SLC47A1: variants seen among roughly 807,000 people sequenced by gnomAD.
The protein encoded by SLC47A1 is solute carrier family 47 member 1.
SLC47A1 carries 58 observed loss-of-function variants against 65.8 expected under a neutral mutation model. The ratio of observed to expected loss-of-function variants is 0.88; its 90% CI spans 0.71 to 1.10. SLC47A1 has a LOEUF of 1.10. SLC47A1 is among the 50% of genes least tolerant of loss of function. The pLI is 0.00. For missense variants in SLC47A1, 706 were observed against 719.2 expected (o/e 0.98, Z 0.21); for synonymous variants, 285 against 295.0 (o/e 0.97, Z 0.35).
chr17:19,567,261 T>A (rs2084366361), intron 14 of SLC47A1, 33 bp downstream of exon 14: 2 of 1,613,266 alleles, frequency 1.2e-6, no homozygotes, highest in East Asian at 2.2e-5. Flanking sequence ...AGGGCTTAGC[T>A]GCTCACCAGC....
intron 10 of SLC47A1, chr17:19,557,835 T>C: frequency 3.1e-6 from 1 of 324,882 alleles, no homozygotes; most frequent in Non-Finnish European, 6.4e-6. Context: ...ACTGTAACTT[T>C]TGTTCTAGTA....
intron 2 of SLC47A1, among the ~76,000 whole-genome samples, chr17:19,544,266 A>C (rs1193816995): frequency 6.6e-6 from 1 of 152,202 alleles, no homozygotes; most frequent in African/African-American, 2.4e-5. Context: ...TTTTGGCTTT[A>C]GCGGGCAACA....
chr17:19,560,129 G>T, intron 10 of SLC47A1, 59 bp from the exon 11 acceptor site: 2 of 1,283,200 alleles, frequency 1.6e-6, no homozygotes, highest in South Asian at 2.6e-5. Flanking sequence ...CTGCTTCTCT[G>T]CACGTGTTCT....
chr17:19,572,369 C>T (rs936247867), intron 15 of SLC47A1, among the ~76,000 whole-genome samples: 1 of 152,022 alleles, frequency 6.6e-6, no homozygotes, highest in African/African-American at 2.4e-5. Context: ...TCACATCTCG[C>T]TGGAGTCTCA....
At chr17:19,552,776 G>T (rs1045330957) in intron 6 of SLC47A1, among the ~76,000 whole-genome samples, 2 of 152,180 alleles carry the variant, frequency 1.3e-5, no homozygotes, top group Admixed American at 1.3e-4. Context: ...CTGTTCCTAG[G>T]GGCTGGGGCC....
At chr17:19,544,269 G>A (rs1320097323) in intron 2 of SLC47A1, among the ~76,000 whole-genome samples, 2 of 152,180 alleles carry the variant, frequency 1.3e-5, no homozygotes, top group South Asian at 2.1e-4. Context: ...TGGCTTTAGC[G>A]GGCAACATGG....
chr17:19,570,764 G>A (rs2253611), intron 14 of SLC47A1: 23,510 of 152,264 alleles, frequency 0.15, 2,038 homozygotes, highest in East Asian at 0.29. Context: ...TTTTTATTAC[G>A]GTCAGGACTT....
chr17:19,578,846 A>C lies in SLC47A1; in HGVS notation c.*1293A>C, dbSNP rs1450107772. On this transcript the variant is annotated 3_prime_UTR_variant, in exon 17 of 17. Coordinates refer to ENST00000270570, the MANE Select transcript of SLC47A1 (RefSeq NM_018242.3). ...AATTTTGCCTGCCCGGTTGCTCACC[A>C]GTTGTAGCTTGCCAGCTCCCAACAC... 1 of 152,246 alleles carries C rather than the reference A, an allele frequency of 6.6e-6. No individual in the cohort carries two copies. Among genetic ancestry groups the C allele is most frequent in the Non-Finnish European group, 1.5e-5 (1 of 68,058 alleles). The allele number at this position is 152,246 out of a possible 1,614,324, so 9.4% of individuals were successfully genotyped here.
chr17:19,551,781 C>T (rs575253632), intron 6 of SLC47A1, among the ~76,000 whole-genome samples: 94 of 152,338 alleles, frequency 6.2e-4, no homozygotes, highest in African/African-American at 1.9e-3. Flanking sequence ...TTTTAACCAG[C>T]GTCCTGGAAA....
Position 19,559,417 on chromosome 17 carries a change from G to C in SLC47A1, c.922-771G>C, listed in dbSNP as rs117569365. Among the ~76,000 whole-genome samples, 10 of 152,336 alleles carry C rather than the reference G, an allele frequency of 6.6e-5. No homozygotes were observed. In the East Asian group the frequency reaches 1.9e-3, roughly 29 times the overall value. ...CATGCCTGTGATCCCAGCTACTTGA[G>C]AGGCTGAGGTTGCAGGATCGTTTGA... On this transcript the variant is annotated intron_variant, in intron 10 of 16. Transcript: ENST00000270570.
At chr17:19,562,610 G>A (rs2084322006) in intron 12 of SLC47A1, among the ~76,000 whole-genome samples, 1 of 152,028 alleles carries the variant, frequency 6.6e-6, no homozygotes, top group Non-Finnish European at 1.5e-5. Flanking sequence ...GAATGAGTGG[G>A]GAAGGCGATG....
chr17:19,537,805 G>A (rs937853926), intron 1 of SLC47A1, among the ~76,000 whole-genome samples: 5 of 152,168 alleles, frequency 3.3e-5, no homozygotes, highest in East Asian at 1.9e-4. Context: ...CTCATCTCTC[G>A]TCCCTATCTC....
rs779978512 is a variant in SLC47A1 at position 19,577,518 on chromosome 17, G to A, written c.1678G>A (p.Gly560Arg). ...GGGGGTCTTCTTAATCTTGCTGGTG[G>A]GGATTTTAGTGAGATTCTATGTCAG... is the stretch of plus-strand genomic sequence containing the variant. ...LLGVFLILLV[G>R]ILVRFYVRIQ Residue 560 changes from glycine (G) to arginine (R), a missense_variant, in exon 17 of 17, where the codon GGG (glycine) becomes AGG (arginine). Coordinates refer to ENST00000270570, the MANE Select transcript of SLC47A1 (RefSeq NM_018242.3). The A allele has an allele frequency of 1.1e-5, 17 of 1,614,142 alleles. No homozygotes were observed. The highest frequency in any genetic ancestry group is 1.6e-4 in the Middle Eastern group (1 of 6,062).
At chr17:19,563,859 C>T (rs938816303) in intron 12 of SLC47A1, among the ~76,000 whole-genome samples, 7 of 151,872 alleles carry the variant, frequency 4.6e-5, no homozygotes, top group South Asian at 4.2e-4. Flanking sequence ...CGTGGTGGCA[C>T]GCACCTGTAG....
intron 6 of SLC47A1, 123 bp from the exon 7 acceptor site, chr17:19,555,089 G>T: frequency 1.2e-6 from 1 of 816,584 alleles, no homozygotes. Context: ...CCCCAGTTAA[G>T]CCCCCCAGCT....
At chr17:19,572,336 C>T (rs1282350960) in intron 15 of SLC47A1, among the ~76,000 whole-genome samples, 1 of 152,042 alleles carries the variant, frequency 6.6e-6, no homozygotes, top group Non-Finnish European at 1.5e-5. Flanking sequence ...CTCTGTCACC[C>T]AGGCTGGACT....
rs563282697 is a variant in SLC47A1 at position 19,534,205 on chromosome 17, C to G, written c.135+131C>G. 1.0e-4 allele frequency: 122 copies of G among 1,222,328 alleles called. 1 individual carries two copies. The South Asian group carries it at 2.1e-3, about 21-fold the overall frequency. 75.7% of individuals were successfully genotyped at this position (1,222,328 alleles called of 1,614,324 possible). Reference sequence around the variant, plus strand: ...TCCGCCGGCGGGCTCCGGGGAGCATCGTGCCAGGAGCCGGGCGGGCACCCC... The same window carrying G: ...TCCGCCGGCGGGCTCCGGGGAGCATGGTGCCAGGAGCCGGGCGGGCACCCC... On this transcript the variant is annotated intron_variant, in intron 1 of 16. Transcript: ENST00000270570.
At chr17:19,546,606 C>A in intron 3 of SLC47A1, 103 bp downstream of exon 3, 2 of 1,027,914 alleles carry the variant, frequency 1.9e-6, no homozygotes, top group Non-Finnish European at 3.0e-6. Context: ...CCAGCACTTG[C>A]AGCACCTATC....
chr17:19,552,385 G>T (rs1916475784), intron 6 of SLC47A1, among the ~76,000 whole-genome samples: 2 of 152,140 alleles, frequency 1.3e-5, no homozygotes, highest in Non-Finnish European at 2.9e-5. Flanking sequence ...TTAGAATCCC[G>T]ATTAGCATAG....
Sources: allele counts gnomAD v4.1 joint callset (sites outside exome capture counted in the v4.1 genomes callset), GRCh38; gene constraint gnomAD v4.1.1; transcripts MANE v1.5; gene names NCBI Gene and HGNC (gene_info 2026-07-23, HGNC 2026-07-21).